The following AKAP6 variants were observed in gnomAD, a reference collection of about 807,000 sequenced individuals.
AKAP6 encodes the protein A-kinase anchor protein 6.
A neutral mutation model predicts 188.5 loss-of-function variants in AKAP6; 58 were observed. The observed-to-expected ratio is 0.31, with a 90% confidence interval of 0.25 to 0.38. The LOEUF is 0.38. Ranked by LOEUF, AKAP6 falls within the 10% of genes least tolerant of loss-of-function variation. AKAP6 has a pLI of 1.00. For synonymous variants in AKAP6, 989 were observed against 998.6 expected (o/e 0.99, Z 0.18); for missense variants, 2,710 against 2,740.0 (o/e 0.99, Z 0.24).
chr14:32,663,816 A>T (rs945548131), intron 7 of AKAP6, among the ~76,000 whole-genome samples: 1 of 152,242 alleles, frequency 6.6e-6, no homozygotes. Context: ...GTTGAGGCTG[A>T]GGTCAGATCT....
chr14:32,651,761 C>T (rs1313387202), intron 7 of AKAP6, among the ~76,000 whole-genome samples: 1 of 152,164 alleles, frequency 6.6e-6, no homozygotes, highest in Non-Finnish European at 1.5e-5. Context: ...GAGTAAGTTT[C>T]AGCATAAATT....
chr14:32,362,135 C>T (rs1165066480), intron 1 of AKAP6, among the ~76,000 whole-genome samples: 1 of 152,184 alleles, frequency 6.6e-6, no homozygotes, highest in Non-Finnish European at 1.5e-5. Flanking sequence ...GTCTTTCCCT[C>T]TACCTGTAGA....
At chr14:32,427,012 T>G (rs1311254266) in intron 1 of AKAP6, among the ~76,000 whole-genome samples, 3 of 152,110 alleles carry the variant, frequency 2.0e-5, no homozygotes, top group Non-Finnish European at 2.9e-5. Context: ...ATCACCCATC[T>G]GCCGAGGGGC....
At chr14:32,715,506 G>A (rs531678812) in intron 9 of AKAP6, among the ~76,000 whole-genome samples, 13 of 152,094 alleles carry the variant, frequency 8.5e-5, no homozygotes, top group Admixed American at 1.3e-4. Flanking sequence ...TGAAAAATAA[G>A]TGCTAGTCTT....
At chr14:32,562,092 G>A (rs955126535) in intron 4 of AKAP6, among the ~76,000 whole-genome samples, 56 of 152,204 alleles carry the variant, frequency 3.7e-4, no homozygotes, top group African/African-American at 1.3e-3. Context: ...TGCTTCATAC[G>A]CTTTCCATTC....
intron 7 of AKAP6, among the ~76,000 whole-genome samples, chr14:32,655,064 G>A (rs1888400229): frequency 1.3e-5 from 2 of 152,042 alleles, no homozygotes; most frequent in South Asian, 2.1e-4. Context: ...TCGTCAAATA[G>A]GAATAAGATA....
At chr14:32,372,932 TTAAG>T (rs1192598718) in intron 1 of AKAP6, among the ~76,000 whole-genome samples, 9 of 151,950 alleles carry the variant, frequency 5.9e-5, no homozygotes, top group African/African-American at 2.2e-4. Flanking sequence ...TTGGGGGAAA[TTAAG>T]TGAGTGGTTG....
intron 1 of AKAP6, among the ~76,000 whole-genome samples, chr14:32,360,712 AGTGTGTGTGTGTGTGTGTGT>A (rs35969035): frequency 7.4e-6 from 1 of 136,036 alleles, no homozygotes; most frequent in African/African-American, 2.7e-5. Flanking sequence ...TTGGCCATTG[AGTGTGTGTGTGTGTGTGTGT>A]GTGTGTGTGT....
intron 4 of AKAP6, among the ~76,000 whole-genome samples, chr14:32,573,407 A>G (rs1188101987): frequency 6.6e-6 from 1 of 152,210 alleles, no homozygotes; most frequent in East Asian, 1.9e-4. Flanking sequence ...AGGTAGGCCA[A>G]TACTAAGAGT....
At chr14:32,374,282 T>TGA (rs917320085) in intron 1 of AKAP6, among the ~76,000 whole-genome samples, 1 of 151,708 alleles carries the variant, frequency 6.6e-6, no homozygotes, top group Non-Finnish European at 1.5e-5. Flanking sequence ...ACAATGCAAT[T>TGA]GAGAGAGAGA....
intron 2 of AKAP6, among the ~76,000 whole-genome samples, chr14:32,439,796 C>T (rs922723376): frequency 1.3e-5 from 2 of 152,034 alleles, no homozygotes; most frequent in African/African-American, 2.4e-5. Flanking sequence ...GTTACTGGCT[C>T]GGTGGATTCT....
intron 9 of AKAP6, among the ~76,000 whole-genome samples, chr14:32,722,760 C>T (rs2030614690): frequency 6.6e-6 from 1 of 152,156 alleles, no homozygotes; most frequent in Admixed American, 6.5e-5. Context: ...GAGCCACTTC[C>T]ATCACTCAGT....
At chr14:32,709,075 G>A (rs569517621) in intron 9 of AKAP6, among the ~76,000 whole-genome samples, 1 of 152,158 alleles carries the variant, frequency 6.6e-6, no homozygotes, top group African/African-American at 2.4e-5. Context: ...AATTTGGCTA[G>A]CATCTTATAA....
chr14:32,600,485 C>G, intron 6 of AKAP6, 144 bp from the exon 7 acceptor site: 1 of 924,830 alleles, frequency 1.1e-6, no homozygotes, highest in Non-Finnish European at 1.5e-6. Context: ...TTCTGAGTGA[C>G]AAATGCTGAT....
chr14:32,657,137 C>G (rs1187515787), intron 7 of AKAP6, among the ~76,000 whole-genome samples: 1 of 152,118 alleles, frequency 6.6e-6, no homozygotes, highest in Non-Finnish European at 1.5e-5. Flanking sequence ...TGCATGATCT[C>G]CTGGGAGCCC....
At chr14:32,604,689 G>A (rs979204945) in intron 7 of AKAP6, among the ~76,000 whole-genome samples, 5 of 152,108 alleles carry the variant, frequency 3.3e-5, no homozygotes, top group African/African-American at 1.2e-4. Context: ...TTATAAAATA[G>A]AGGTAATGAT....
chr14:32,537,797 T>C (rs977691041), intron 3 of AKAP6, among the ~76,000 whole-genome samples: 2 of 152,252 alleles, frequency 1.3e-5, no homozygotes, highest in Admixed American at 6.5e-5. Flanking sequence ...ACATTCATCA[T>C]ACACTTAATT....
chr14:32,468,545 G>A (rs1878588055), intron 2 of AKAP6, among the ~76,000 whole-genome samples: 1 of 69,594 alleles, frequency 1.4e-5, no homozygotes, highest in African/African-American at 3.3e-5. Flanking sequence ...ATCACAGGAT[G>A]TTGCAGGATG....
At chr14:32,381,129 G>A (rs1888342368) in intron 1 of AKAP6, among the ~76,000 whole-genome samples, 1 of 152,102 alleles carries the variant, frequency 6.6e-6, no homozygotes, top group African/African-American at 2.4e-5. Context: ...TTGAGGCCAA[G>A]AGTTCGAGAC....
Sources: gnomAD v4.1 joint callset for allele counts (sites outside exome capture counted in the v4.1 genomes callset) on GRCh38, gnomAD v4.1.1 for gene constraint, MANE v1.5 for transcripts, NCBI Gene and HGNC (gene_info 2026-07-23, HGNC 2026-07-21) for gene names.